CSMD1: variants seen among roughly 807,000 people sequenced by gnomAD.
CSMD1 encodes CUB and Sushi multiple domains 1, also known as CUB and sushi domain-containing protein 1.
In CSMD1, 213 loss-of-function variants were observed where a neutral mutation model predicts 417.5. That is an observed-to-expected ratio of 0.51 (90% CI 0.46 to 0.57). The LOEUF (loss-of-function observed/expected upper bound fraction) is 0.57. Ranked by LOEUF, CSMD1 falls within the 20% of genes least tolerant of loss-of-function variation. The probability of loss-of-function intolerance (pLI) is 0.00; values close to 1 mark genes in which losing one functional copy is unlikely to be tolerated. For missense variants in CSMD1, 6,923 were observed against 4,529.7 expected (o/e 1.53, Z -15.17); for synonymous variants, 2,862 against 1,736.8 (o/e 1.65, Z -16.11).
Position 4,084,423 on chromosome 8 carries a change from G to A in CSMD1, c.416-52324C>T, listed in dbSNP as rs1451679178. 1.2e-4 allele frequency among the ~76,000 whole-genome samples: 18 copies of A among 151,692 alleles called. 1 individual carries two copies. The South Asian group carries it at 2.7e-3, about 23-fold the overall frequency. ...TTTTTAAATTCCTAATTTTAACCTCGTTTTCATTTCCACCCTTTACATGAT... is the reference window on the plus strand; with the variant it reads ...TTTTTAAATTCCTAATTTTAACCTCATTTTCATTTCCACCCTTTACATGAT... On this transcript the variant is annotated intron_variant, in intron 3 of 69. Transcript: ENST00000635120.
At chr8:4,235,482 T>C (rs1170881508) in intron 3 of CSMD1, among the ~76,000 whole-genome samples, 1 of 152,134 alleles carries the variant, frequency 6.6e-6, no homozygotes, top group Non-Finnish European at 1.5e-5. Flanking sequence ...GAAACCTAAT[T>C]CACATGCTTT....
At chr8:4,038,568 C>G (rs1329155616) in intron 3 of CSMD1, among the ~76,000 whole-genome samples, 3 of 152,190 alleles carry the variant, frequency 2.0e-5, no homozygotes, top group African/African-American at 7.2e-5. Flanking sequence ...TTATGCATGT[C>G]TCTTTGTGAC....
chr8:4,766,428 T>A (rs189551321), intron 1 of CSMD1, among the ~76,000 whole-genome samples: 81 of 152,266 alleles, frequency 5.3e-4, no homozygotes, highest in Admixed American at 2.2e-3. Flanking sequence ...TCTCCTTCGA[T>A]CACGAATATA....
chr8:3,599,429 C>A (rs752307234), intron 8 of CSMD1, among the ~76,000 whole-genome samples: 1 of 152,032 alleles, frequency 6.6e-6, no homozygotes, highest in Non-Finnish European at 1.5e-5. Context: ...TTAAATACAA[C>A]ACGACATTAC....
intron 5 of CSMD1, among the ~76,000 whole-genome samples, chr8:3,942,999 T>C (rs530919296): frequency 6.6e-6 from 1 of 151,948 alleles, no homozygotes; most frequent in African/African-American, 2.4e-5. Context: ...TAAGGGGAGG[T>C]CTAAATTATT....
Position 4,626,080 on chromosome 8 carries a change from T to C in CSMD1, c.302+11262A>G, listed in dbSNP as rs114961289. Among the ~76,000 whole-genome samples, 227 of 152,210 alleles carry C rather than the reference T, an allele frequency of 1.5e-3. 4 individuals carry two copies. Among genetic ancestry groups the C allele is most frequent in the African/African-American group, 5.0e-3 (206 of 41,520 alleles). On this transcript the variant is annotated intron_variant, in intron 2 of 69. Coordinates refer to ENST00000635120, the MANE Select transcript of CSMD1 (RefSeq NM_033225.6). ...GGACTTGTAAGAACTGACATTACAA[T>C]TGGAGAAAAACTGCCATGAAAGATT...
chr8:3,672,370 G>A (rs1302238100), intron 7 of CSMD1, among the ~76,000 whole-genome samples: 2 of 151,986 alleles, frequency 1.3e-5, no homozygotes, highest in African/African-American at 4.8e-5. Flanking sequence ...TCGGCATTTA[G>A]AACCCACTCT....
rs145546724 is a variant in CSMD1, at chr8:3,894,921, T to C, written c.818+102982A>G. Among the ~76,000 whole-genome samples, 285 of 152,324 alleles carry C rather than the reference T, an allele frequency of 1.9e-3. 4 individuals are homozygous for C. Among genetic ancestry groups the C allele is most frequent in the African/African-American group, 6.5e-3 (269 of 41,576 alleles). Reference sequence around the variant, plus strand: ...ACAGTGGGTTCCTAGTATTCAACACTGTACCATACAGATGACAATTTCCAA... The same window carrying C: ...ACAGTGGGTTCCTAGTATTCAACACCGTACCATACAGATGACAATTTCCAA... On this transcript the variant is annotated intron_variant, in intron 5 of 69. Transcript: ENST00000635120.
intron 3 of CSMD1, among the ~76,000 whole-genome samples, chr8:4,050,217 T>G (rs1018995588): frequency 5.9e-5 from 9 of 152,080 alleles, no homozygotes; most frequent in African/African-American, 1.7e-4. Flanking sequence ...AGGGTCGTGT[T>G]TGTCAGTTTC....
intron 3 of CSMD1, among the ~76,000 whole-genome samples, chr8:4,085,678 A>G (rs138492544): frequency 1.8e-3 from 274 of 152,320 alleles, no homozygotes; most frequent in African/African-American, 6.0e-3. Flanking sequence ...TGATTCCAGG[A>G]TAATGCTCTA....
chr8:4,095,387 A>G (rs906109337), intron 3 of CSMD1, among the ~76,000 whole-genome samples: 6 of 142,920 alleles, frequency 4.2e-5, no homozygotes, highest in Admixed American at 4.0e-4. Flanking sequence ...TAAAACAAAC[A>G]AAAAAGTAAA....
chr8:3,830,324 C>A (rs1216780318), intron 5 of CSMD1, among the ~76,000 whole-genome samples: 1 of 152,212 alleles, frequency 6.6e-6, no homozygotes, highest in Non-Finnish European at 1.5e-5. Context: ...CCTTCACTTG[C>A]CGAATGATTG....
Position 4,050,140 on chromosome 8 carries a change from G to A in CSMD1, c.416-18041C>T, listed in dbSNP as rs141565875. ...ACAGAGGTAAAGAACACTTCTCGTC[G>A]CAGCATGCCAGGGACACGCATCATC... On this transcript the variant is annotated intron_variant, in intron 3 of 69. Coordinates refer to ENST00000635120, the MANE Select transcript of CSMD1 (RefSeq NM_033225.6). 1.3e-3 allele frequency among the ~76,000 whole-genome samples: 199 copies of A among 152,214 alleles called. 1 individual carries two copies. Among genetic ancestry groups the A allele is most frequent in the African/African-American group, 4.7e-3 (197 of 41,518 alleles).
At chr8:4,720,064 C>T (rs1218970465) in intron 1 of CSMD1, among the ~76,000 whole-genome samples, 1 of 151,836 alleles carries the variant, frequency 6.6e-6, no homozygotes, top group Non-Finnish European at 1.5e-5. Context: ...TGTGGTGAGG[C>T]TTTTTCTAAA....
intron 20 of CSMD1, among the ~76,000 whole-genome samples, chr8:3,362,603 A>C (rs932536664): frequency 6.6e-6 from 1 of 152,156 alleles, no homozygotes; most frequent in Non-Finnish European, 1.5e-5. Flanking sequence ...CTTTTTCTTT[A>C]ATATGATCCT....
In CSMD1 at chr8:4,486,210, T is replaced by C. The variant is rs1341088350; in HGVS notation, c.303-66145A>G. Among the ~76,000 whole-genome samples the C allele has an allele frequency of 3.9e-3, 88 of 22,454 alleles. 2 individuals are homozygous for C. The highest frequency in any genetic ancestry group is 0.029 in the East Asian group (27 of 918). 14.7% of individuals were successfully genotyped at this position (22,454 alleles called of 152,430 possible). A position where few individuals can be genotyped will look rare whatever the true frequency, so the allele number is the denominator to read the frequency against. On this transcript the variant is annotated intron_variant, in intron 2 of 69. Coordinates refer to ENST00000635120, the MANE Select transcript of CSMD1 (RefSeq NM_033225.6). ...ATATATATATATATACATACATATA[T>C]ATATATATATATATACATACATATA... is the stretch of plus-strand genomic sequence containing the variant.
chr8:4,273,046 G>T (rs1222745422), intron 3 of CSMD1, among the ~76,000 whole-genome samples: 1 of 152,038 alleles, frequency 6.6e-6, no homozygotes, highest in African/African-American at 2.4e-5. Flanking sequence ...TAAAAATGGG[G>T]ATCATTATGT....
chr8:4,105,195 T>C (rs1801505933), intron 3 of CSMD1, among the ~76,000 whole-genome samples: 1 of 152,264 alleles, frequency 6.6e-6, no homozygotes, highest in African/African-American at 2.4e-5. Context: ...CATCCTAAGA[T>C]TATTCCAAGG....
intron 2 of CSMD1, among the ~76,000 whole-genome samples, chr8:4,580,918 G>T (rs1048737400): frequency 6.6e-6 from 1 of 152,172 alleles, no homozygotes; most frequent in African/African-American, 2.4e-5. Context: ...ATCATCGGAA[G>T]TTCAATGCAC....
Sources: allele counts gnomAD v4.1 joint callset (sites outside exome capture counted in the v4.1 genomes callset), GRCh38; gene constraint gnomAD v4.1.1; transcripts MANE v1.5; gene names NCBI Gene and HGNC (gene_info 2026-07-23, HGNC 2026-07-21).